CDH18: variants seen among roughly 807,000 people sequenced by gnomAD.
CDH18 encodes cadherin 18, also known as cadherin-18.
CDH18 carries 31 observed loss-of-function variants against 67.9 expected under a neutral mutation model. That is an observed-to-expected ratio of 0.46 (90% CI 0.34 to 0.62). The LOEUF is 0.62. CDH18 is among the 20% of genes least tolerant of loss of function. The probability of loss-of-function intolerance (pLI) is 0.01; values close to 1 mark genes in which losing one functional copy is unlikely to be tolerated. For synonymous variants in CDH18, 362 were observed against 347.2 expected (o/e 1.04, Z -0.48); for missense variants, 890 against 975.5 (o/e 0.91, Z 1.17).
chr5:19,668,501 T>C (rs991418925), intron 5 of CDH18, among the ~76,000 whole-genome samples: 2 of 152,042 alleles, frequency 1.3e-5, no homozygotes, highest in African/African-American at 4.8e-5. Flanking sequence ...TGCATTTAAT[T>C]AAGAAGAGAT....
chr5:19,762,780 C>T lies in CDH18; in HGVS notation c.229-15544G>A, dbSNP rs543506159. ...CCCAAAGGATTATAAATCATGCTAC[C>T]ATAAAGACACATGCACACGTATGTT... is the stretch of plus-strand genomic sequence containing the variant. On this transcript the variant is annotated intron_variant, in intron 3 of 12. Coordinates refer to ENST00000382275, the MANE Select transcript of CDH18 (RefSeq NM_004934.5). Among the ~76,000 whole-genome samples the T allele has an allele frequency of 1.6e-4, 25 of 152,184 alleles. No individual in the cohort carries two copies. The South Asian group carries it at 5.0e-3, about 30-fold the overall frequency.
intron 1 of CDH18, among the ~76,000 whole-genome samples, chr5:20,512,957 A>G (rs1755139324): frequency 6.6e-6 from 1 of 151,562 alleles, no homozygotes; most frequent in Admixed American, 6.6e-5. Flanking sequence ...TGGTTTCTAC[A>G]TGCACTCGTC....
At chr5:20,220,897 A>G (rs1328163744) in intron 2 of CDH18, among the ~76,000 whole-genome samples, 1 of 152,132 alleles carries the variant, frequency 6.6e-6, no homozygotes, top group Non-Finnish European at 1.5e-5. Flanking sequence ...CATCAGAAAA[A>G]TTCAAATGAA....
intron 2 of CDH18, among the ~76,000 whole-genome samples, chr5:19,872,782 C>A (rs114759579): frequency 6.6e-6 from 1 of 152,194 alleles, no homozygotes; most frequent in South Asian, 2.1e-4. Context: ...CATAAAAGCA[C>A]GGTAATTTGT....
At chr5:19,960,482 C>T (rs1346626759) in intron 2 of CDH18, among the ~76,000 whole-genome samples, 2 of 150,948 alleles carry the variant, frequency 1.3e-5, no homozygotes, top group African/African-American at 4.9e-5. Flanking sequence ...CTGTCATCTC[C>T]TATGATAACA....
intron 2 of CDH18, among the ~76,000 whole-genome samples, chr5:20,244,787 T>C (rs943720766): frequency 6.6e-6 from 1 of 152,112 alleles, no homozygotes; most frequent in African/African-American, 2.4e-5. Flanking sequence ...TGTCTTTTCC[T>C]CTGCATTCAA....
rs562446079 is a variant in CDH18, at chr5:20,207,969, T to A, written c.-518+47475A>T. Among the ~76,000 whole-genome samples the A allele has an allele frequency of 2.6e-5, 4 of 152,026 alleles. No individual in the cohort carries two copies. In the South Asian group the frequency reaches 8.3e-4, roughly 32 times the overall value. On this transcript the variant is annotated intron_variant, in intron 2 of 14. Transcript: ENST00000507958. ...CATCATACAGGCATAAAAACAAACATAAACACCAACTGAATGGAACAGAAA... is the reference window on the plus strand; with the variant it reads ...CATCATACAGGCATAAAAACAAACAAAAACACCAACTGAATGGAACAGAAA...
At chr5:19,586,549 T>C (rs1380432395) in intron 7 of CDH18, among the ~76,000 whole-genome samples, 1 of 152,240 alleles carries the variant, frequency 6.6e-6, no homozygotes, top group Non-Finnish European at 1.5e-5. Flanking sequence ...AGTTCCTTTT[T>C]ATTGCTGCAT....
chr5:20,082,991 G>C (rs1744616150), intron 2 of CDH18, among the ~76,000 whole-genome samples: 1 of 152,154 alleles, frequency 6.6e-6, no homozygotes, highest in Admixed American at 6.5e-5. Context: ...ACTTGAATTT[G>C]CTAATTTGTT....
chr5:20,077,008 G>C (rs898880279), intron 2 of CDH18, among the ~76,000 whole-genome samples: 24 of 152,118 alleles, frequency 1.6e-4, no homozygotes, highest in African/African-American at 5.1e-4. Context: ...ACAAATTCCA[G>C]TTGGTTGAAT....
At chr5:20,409,856 T>C (rs1202735704) in intron 1 of CDH18, among the ~76,000 whole-genome samples, 2 of 151,646 alleles carry the variant, frequency 1.3e-5, no homozygotes, top group Admixed American at 1.3e-4. Flanking sequence ...CAAATTACTA[T>C]AAACACTTGT....
At chr5:19,931,958 T>C (rs897679531) in intron 2 of CDH18, among the ~76,000 whole-genome samples, 1 of 151,812 alleles carries the variant, frequency 6.6e-6, no homozygotes, top group Admixed American at 6.6e-5. Context: ...GCCACCTCTC[T>C]TTATCTTTAA....
chr5:20,382,514 T>A (rs1052960662), intron 1 of CDH18, among the ~76,000 whole-genome samples: 2 of 152,092 alleles, frequency 1.3e-5, no homozygotes, highest in African/African-American at 4.8e-5. Context: ...TGGATGCCAA[T>A]CATGGTGATG....
At chr5:20,560,465 T>TCATA (rs1554019478) in intron 1 of CDH18, among the ~76,000 whole-genome samples, 21 of 57,300 alleles carry the variant, frequency 3.7e-4, no homozygotes, top group East Asian at 3.2e-3. Flanking sequence ...CCCCCAACAC[T>TCATA]CATACACACA....
chr5:19,768,924 T>C (rs747234329), intron 3 of CDH18, among the ~76,000 whole-genome samples: 1 of 151,646 alleles, frequency 6.6e-6, no homozygotes, highest in Non-Finnish European at 1.5e-5. Context: ...TAATGGAAAT[T>C]GAAAACTTAC....
At chr5:19,745,237 G>C (rs1561207360) in intron 4 of CDH18, among the ~76,000 whole-genome samples, 1 of 152,116 alleles carries the variant, frequency 6.6e-6, no homozygotes, top group African/African-American at 2.4e-5. Context: ...GACTTTCTTT[G>C]TTGTTGTTAT....
intron 2 of CDH18, among the ~76,000 whole-genome samples, chr5:20,190,410 T>C (rs547714720): frequency 1.1e-4 from 17 of 152,228 alleles, no homozygotes; most frequent in Middle Eastern, 6.8e-3. Context: ...ATATATTTAA[T>C]ATAAAGTATT....
At chr5:20,039,282 T>C (rs959013510) in intron 2 of CDH18, among the ~76,000 whole-genome samples, 33 of 152,150 alleles carry the variant, frequency 2.2e-4, no homozygotes, top group African/African-American at 8.0e-4. Context: ...AAGTAATTTG[T>C]AGATACAATG....
intron 2 of CDH18, among the ~76,000 whole-genome samples, chr5:19,905,205 T>C (rs1790401444): frequency 6.6e-6 from 1 of 152,104 alleles, no homozygotes. Context: ...GGATAAATAA[T>C]GGCCAAGTTC....
Sources: gnomAD v4.1 joint callset for allele counts (sites outside exome capture counted in the v4.1 genomes callset) on GRCh38, gnomAD v4.1.1 for gene constraint, MANE v1.5 for transcripts, NCBI Gene and HGNC (gene_info 2026-07-23, HGNC 2026-07-21) for gene names.